SRBD1: variants seen among roughly 807,000 people sequenced by gnomAD.
SRBD1 encodes the protein S1 RNA binding domain 1, also known as S1 RNA-binding domain-containing protein 1.
SRBD1 carries 88 observed loss-of-function variants against 115.3 expected under a neutral mutation model. That is an observed-to-expected ratio of 0.76 (90% CI 0.64 to 0.91). The LOEUF is 0.91. SRBD1 is among the 40% of genes least tolerant of loss of function. The pLI, the probability that SRBD1 is intolerant of heterozygous loss-of-function variation, is 0.00. For synonymous variants in SRBD1, 509 were observed against 407.7 expected (o/e 1.25, Z -2.99); for missense variants, 1,385 against 1,177.4 (o/e 1.18, Z -2.58).
At chr2:45,412,622 T>C (rs1572608251) in intron 19 of SRBD1, among the ~76,000 whole-genome samples, 1 of 152,232 alleles carries the variant, frequency 6.6e-6, no homozygotes, top group Non-Finnish European at 1.5e-5. Flanking sequence ...TTTCTTTTTA[T>C]ACCGTAAACT....
intron 17 of SRBD1, among the ~76,000 whole-genome samples, chr2:45,419,050 A>G (rs777432819): frequency 4.6e-5 from 7 of 152,210 alleles, no homozygotes; most frequent in Non-Finnish European, 7.3e-5. Context: ...TACAAAGACT[A>G]TATCATTAGG....
intron 14 of SRBD1, among the ~76,000 whole-genome samples, chr2:45,542,632 T>C (rs1037650538): frequency 1.3e-5 from 2 of 152,222 alleles, no homozygotes; most frequent in Admixed American, 6.5e-5. Flanking sequence ...GGAAAAAGCT[T>C]GACAGTTTCT....
At chr2:45,530,348 T>G (rs1389172816) in intron 14 of SRBD1, among the ~76,000 whole-genome samples, 2 of 151,884 alleles carry the variant, frequency 1.3e-5, no homozygotes, top group Admixed American at 1.3e-4. Flanking sequence ...AACACAACAC[T>G]AAGGCCAATT....
chr2:45,517,849 T>A (rs1445775225), intron 14 of SRBD1, among the ~76,000 whole-genome samples: 4 of 151,744 alleles, frequency 2.6e-5, no homozygotes, highest in African/African-American at 7.3e-5. Context: ...ATTTTTTTTT[T>A]AATTAGCTAG....
chr2:45,594,663 A>G (rs1340810547), intron 4 of SRBD1, among the ~76,000 whole-genome samples: 3 of 152,216 alleles, frequency 2.0e-5, no homozygotes, highest in Non-Finnish European at 2.9e-5. Flanking sequence ...AATGTCTGTT[A>G]AAACATTATA....
intron 14 of SRBD1, among the ~76,000 whole-genome samples, chr2:45,539,239 T>TA (rs879828430): frequency 0.018 from 2,591 of 143,800 alleles, 28 homozygotes; most frequent in Middle Eastern, 0.039. Flanking sequence ...ATTTTTTTGC[T>TA]AAAAAAAAAA....
At chr2:45,409,954 A>C (rs1051502926) in intron 19 of SRBD1, among the ~76,000 whole-genome samples, 2 of 152,212 alleles carry the variant, frequency 1.3e-5, no homozygotes, top group African/African-American at 4.8e-5. Flanking sequence ...CTCTAAAAAA[A>C]TAGAGGTAAA....
At chr2:45,545,777 C>T (rs1672097873) in intron 14 of SRBD1, among the ~76,000 whole-genome samples, 1 of 152,208 alleles carries the variant, frequency 6.6e-6, no homozygotes, top group African/African-American at 2.4e-5. Context: ...TTCTCTTACT[C>T]CCCTTGTTAC....
At chr2:45,492,437 CTGTTGT>C (rs899607278) in intron 14 of SRBD1, among the ~76,000 whole-genome samples, 35 of 151,898 alleles carry the variant, frequency 2.3e-4, no homozygotes, top group African/African-American at 8.0e-4. Flanking sequence ...TAGGTTTTTT[CTGTTGT>C]TGTTGTTGTT....
intron 16 of SRBD1, among the ~76,000 whole-genome samples, chr2:45,428,444 G>A (rs887010146): frequency 5.3e-5 from 8 of 152,020 alleles, no homozygotes; most frequent in Non-Finnish European, 1.0e-4. Flanking sequence ...CCAGCTACTC[G>A]GGAGGCTGAG....
chr2:45,536,714 T>C (rs1460574528), intron 14 of SRBD1, among the ~76,000 whole-genome samples: 1 of 152,176 alleles, frequency 6.6e-6, no homozygotes, highest in African/African-American at 2.4e-5. Context: ...CCAGCTTACA[T>C]ATCCCAATGT....
At position 45,546,789 on chromosome 2, in the gene SRBD1, G is replaced by C. The variant is rs1409371106; in HGVS notation, c.1817C>G (p.Ala606Gly). The change falls in exon 14 of 21, where the codon GCT becomes GGT. Residue 606 changes from alanine (A) to glycine (G), a missense_variant. Transcript: ENST00000263736. Reference protein sequence around the residue: ...GNGTACRETEAYFADLIMKNY... With the variant: ...GNGTACRETEGYFADLIMKNY... ...CTTCATTATCAGGTCAGCAAAGTAAGCTTCTGTTTCCCTGCAGGCAGTTCC... is the reference window on the plus strand; with the variant it reads ...CTTCATTATCAGGTCAGCAAAGTAACCTTCTGTTTCCCTGCAGGCAGTTCC... 1.2e-6 allele frequency: 2 copies of C among 1,614,146 alleles called. No individual in the cohort carries two copies. The highest frequency in any genetic ancestry group is 1.1e-5 in the South Asian group (1 of 91,076).
At chr2:45,401,321 C>T (rs1194039066) in intron 19 of SRBD1, among the ~76,000 whole-genome samples, 3 of 152,136 alleles carry the variant, frequency 2.0e-5, no homozygotes, top group Non-Finnish European at 4.4e-5. Flanking sequence ...GTCCACTTAA[C>T]ATTTTTATAT....
At chr2:45,393,215 C>G in intron 19 of SRBD1, 86 bp from the exon 20 acceptor site, 2 of 1,324,540 alleles carry the variant, frequency 1.5e-6, no homozygotes, top group Non-Finnish European at 2.0e-6. Flanking sequence ...AAAATTCATT[C>G]ATCTTAGACC....
At chr2:45,407,229 G>C (rs1667462611) in intron 19 of SRBD1, among the ~76,000 whole-genome samples, 1 of 152,148 alleles carries the variant, frequency 6.6e-6, no homozygotes. Context: ...TTGGTAATGA[G>C]GAAGTAGTCA....
At chr2:45,601,006 A>C (rs1323342557) in intron 3 of SRBD1, among the ~76,000 whole-genome samples, 2 of 152,186 alleles carry the variant, frequency 1.3e-5, no homozygotes, top group African/African-American at 4.8e-5. Context: ...CCCAAAATAG[A>C]ATGGATCAGA....
chr2:45,560,238 G>A (rs1003191797), intron 10 of SRBD1, among the ~76,000 whole-genome samples: 1 of 152,010 alleles, frequency 6.6e-6, no homozygotes, highest in Admixed American at 6.6e-5. Context: ...ATAAGCCATG[G>A]AAAAATAAAT....
At position 45,499,516 on chromosome 2, in the gene SRBD1, G is replaced by C. The variant is rs528221934; in HGVS notation, c.1875-11185C>G. On this transcript the variant is annotated intron_variant, in intron 14 of 20. Transcript: ENST00000263736. ...TTTTTAGCTTGATGTAATCCCATTT[G>C]TCTATTTTTGCTTTGTCTGTGCTTT... Among the ~76,000 whole-genome samples the C allele has an allele frequency of 7.2e-5, 11 of 152,156 alleles. No homozygotes were observed. The East Asian group carries it at 2.1e-3, about 29-fold the overall frequency.
At chr2:45,548,983 A>AAGGCTACTT (rs1270264166) in intron 12 of SRBD1, 2 of 152,230 alleles carry the variant, frequency 1.3e-5, no homozygotes, top group Non-Finnish European at 2.9e-5. Flanking sequence ...AAAAATGTCA[A>AAGGCTACTT]AGGCTACTTC....
Sources: allele counts gnomAD v4.1 joint callset (sites outside exome capture counted in the v4.1 genomes callset), GRCh38; gene constraint gnomAD v4.1.1; transcripts MANE v1.5; gene names NCBI Gene and HGNC (gene_info 2026-07-23, HGNC 2026-07-21).